Variants in CADM1 observed in about 807,000 individuals in gnomAD.
The protein encoded by CADM1 is TSLC-1.
CADM1 carries 15 observed loss-of-function variants against 53.1 expected under a neutral mutation model. The ratio of observed to expected loss-of-function variants is 0.28; its 90% CI spans 0.19 to 0.44. The LOEUF is 0.44. Ranked by LOEUF, CADM1 falls within the 20% of genes least tolerant of loss-of-function variation. CADM1 has a pLI of 1.00. For synonymous variants in CADM1, 281 were observed against 243.0 expected (o/e 1.16, Z -1.45); for missense variants, 434 against 611.3 (o/e 0.71, Z 3.06).
chr11:115,373,153 T>C (rs1431693956), intron 1 of CADM1, among the ~76,000 whole-genome samples: 1 of 152,190 alleles, frequency 6.6e-6, no homozygotes, highest in African/African-American at 2.4e-5. Context: ...ACCTGTATTT[T>C]AGCATTTCAA....
intron 1 of CADM1, among the ~76,000 whole-genome samples, chr11:115,363,074 G>C (rs1591748198): frequency 6.6e-6 from 1 of 152,246 alleles, no homozygotes; most frequent in East Asian, 1.9e-4. Context: ...ACCCAATCCA[G>C]ATCAATCTTC....
intron 1 of CADM1, among the ~76,000 whole-genome samples, chr11:115,364,627 A>G (rs574010276): frequency 6.6e-6 from 1 of 152,256 alleles, no homozygotes; most frequent in East Asian, 1.9e-4. Context: ...TATACTTGTG[A>G]CATAGCATAT....
At chr11:115,194,842 AG>A (rs746194101) in intron 9 of CADM1, among the ~76,000 whole-genome samples, 1 of 152,214 alleles carries the variant, frequency 6.6e-6, no homozygotes, top group Non-Finnish European at 1.5e-5. Context: ...ACAGGGCAGA[AG>A]GAACAAGGCA....
chr11:115,233,884 T>TGCCAG (rs1426211988), intron 3 of CADM1, among the ~76,000 whole-genome samples: 1 of 152,204 alleles, frequency 6.6e-6, no homozygotes, highest in Non-Finnish European at 1.5e-5. Flanking sequence ...AGAGGGCAAA[T>TGCCAG]GGCTAAAGCC....
At position 115,176,322 on chromosome 11, in the gene CADM1, T is replaced by C. The variant is rs1420340831; in HGVS notation, c.*152A>G. On this transcript the variant is annotated 3_prime_UTR_variant, in exon 12 of 12. Coordinates refer to ENST00000331581, the MANE Select transcript of CADM1 (RefSeq NM_001301043.2). ...TACTTTCCAAAGAACATTTTTTTTT[T>C]TTTTACACAGCAAATCCCAAGCCTT... 2.0e-6 allele frequency: 3 copies of C among 1,519,370 alleles called. No homozygotes were observed. Among genetic ancestry groups the C allele is most frequent in the Non-Finnish European group, 2.6e-6 (3 of 1,133,254 alleles). The allele number at this position is 1,519,370 out of a possible 1,614,324, so 94.1% of individuals were successfully genotyped here.
intron 1 of CADM1, among the ~76,000 whole-genome samples, chr11:115,463,702 A>C (rs1390030738): frequency 6.6e-6 from 1 of 152,194 alleles, no homozygotes; most frequent in Non-Finnish European, 1.5e-5. Context: ...CTTACTCATC[A>C]ATTACAATCA....
In CADM1 at chr11:115,298,143, T is replaced by C. The variant is rs142311908; in HGVS notation, c.125-57723A>G. On this transcript the variant is annotated intron_variant, in intron 1 of 11. Coordinates refer to ENST00000331581, the MANE Select transcript of CADM1 (RefSeq NM_001301043.2). Reference sequence around the variant, plus strand: ...GTGAATAATCCACAAAGTAGAGACTTAGACACAAGTCTCAGCAATGCTACT... The same window carrying C: ...GTGAATAATCCACAAAGTAGAGACTCAGACACAAGTCTCAGCAATGCTACT... Among the ~76,000 whole-genome samples the C allele has an allele frequency of 2.5e-3, 381 of 152,336 alleles. 1 individual carries two copies. The highest frequency in any genetic ancestry group is 8.3e-3 in the African/African-American group (347 of 41,584).
At chr11:115,445,747 G>A (rs1269041742) in intron 1 of CADM1, 1 of 451,936 alleles carries the variant, frequency 2.2e-6, no homozygotes, top group Non-Finnish European at 4.4e-6. Context: ...GAGAGGCTGA[G>A]GTAGAAGAAT....
chr11:115,340,511 T>G, intron 1 of CADM1, among the ~76,000 whole-genome samples: 1 of 141,984 alleles, frequency 7.0e-6, no homozygotes, highest in East Asian at 2.0e-4. Context: ...GGGGTGGGGT[T>G]GTGGAAAGAA....
chr11:115,185,532 G>T (rs1193967376), intron 10 of CADM1, among the ~76,000 whole-genome samples: 1 of 152,082 alleles, frequency 6.6e-6, no homozygotes, highest in African/African-American at 2.4e-5. Flanking sequence ...AAGTGTTTTG[G>T]GTTTTTTCTT....
At chr11:115,499,217 GT>G (rs1949683188) in intron 1 of CADM1, among the ~76,000 whole-genome samples, 1 of 151,968 alleles carries the variant, frequency 6.6e-6, no homozygotes, top group South Asian at 2.1e-4. Flanking sequence ...TTTTTCCTTA[GT>G]TATACAGAAC....
chr11:115,336,746 G>A (rs868060413), intron 1 of CADM1, among the ~76,000 whole-genome samples: 5 of 152,250 alleles, frequency 3.3e-5, no homozygotes, highest in South Asian at 2.1e-4. Context: ...TTTCACAGTA[G>A]TAAGGTTAAA....
chr11:115,270,904 A>G (rs1380079986), intron 1 of CADM1, among the ~76,000 whole-genome samples: 3 of 152,224 alleles, frequency 2.0e-5, no homozygotes, highest in African/African-American at 7.2e-5. Context: ...GTCACTGCTT[A>G]TTTCAGCTAA....
intron 1 of CADM1, among the ~76,000 whole-genome samples, chr11:115,333,052 T>A (rs931609247): frequency 1.6e-4 from 25 of 152,122 alleles, no homozygotes; most frequent in Non-Finnish European, 2.1e-4. Context: ...ACTGGTCTTT[T>A]CTCCCTGATG....
At chr11:115,444,701 T>C (rs1315728577) in intron 1 of CADM1, among the ~76,000 whole-genome samples, 3 of 152,224 alleles carry the variant, frequency 2.0e-5, no homozygotes, top group African/African-American at 4.8e-5. Context: ...GACTAGGCCA[T>C]TGGTCCCATT....
chr11:115,281,552 T>C (rs1023871119), intron 1 of CADM1, among the ~76,000 whole-genome samples: 1 of 152,200 alleles, frequency 6.6e-6, no homozygotes, highest in Non-Finnish European at 1.5e-5. Context: ...AATCGTGTGA[T>C]CCAGCTTAAG....
chr11:115,224,994 A>T (rs1565309080), intron 5 of CADM1, among the ~76,000 whole-genome samples: 1 of 152,188 alleles, frequency 6.6e-6, no homozygotes, highest in East Asian at 1.9e-4. Context: ...TTAAAAAGCA[A>T]AACTGTTCTC....
intron 1 of CADM1, among the ~76,000 whole-genome samples, chr11:115,458,898 C>T (rs929042708): frequency 6.6e-6 from 1 of 152,028 alleles, no homozygotes; most frequent in Admixed American, 6.6e-5. Flanking sequence ...TAATCAAAGC[C>T]CTTCAAAGTT....
At chr11:115,446,112 T>C (rs1051993377) in intron 1 of CADM1, among the ~76,000 whole-genome samples, 1 of 152,156 alleles carries the variant, frequency 6.6e-6, no homozygotes, top group African/African-American at 2.4e-5. Context: ...GCTTACAATT[T>C]CATGGGGAAT....
Sources: allele counts gnomAD v4.1 joint callset (sites outside exome capture counted in the v4.1 genomes callset), GRCh38; gene constraint gnomAD v4.1.1; transcripts MANE v1.5; gene names NCBI Gene and HGNC (gene_info 2026-07-23, HGNC 2026-07-21).